Variants in TMEM161A observed in about 807,000 individuals in gnomAD.
TMEM161A encodes the protein transmembrane protein 161A.
In TMEM161A, 46 loss-of-function variants were observed where a neutral mutation model predicts 57.1. That is an observed-to-expected ratio of 0.81 (90% CI 0.64 to 1.03). The LOEUF is 1.03. TMEM161A is among the 50% of genes least tolerant of loss of function. TMEM161A has a pLI of 0.00. For synonymous variants in TMEM161A, 288 were observed against 279.0 expected (o/e 1.03, Z -0.32); for missense variants, 601 against 621.5 (o/e 0.97, Z 0.35).
chr19:19,134,794 A>G lies in TMEM161A; in HGVS notation c.97T>C (p.Cys33Arg). Reference protein sequence around the residue: ...PHCSFARWLLCNGSLFRYKHP... With the variant: ...PHCSFARWLLRNGSLFRYKHP... The stretch of plus-strand genomic sequence containing the variant: ...CGGGGCGGGGCTCACCTGCCGTTAC[A>G]GAGCAGCCAGCGCGCGAAGGAGCAG... Residue 33 changes from cysteine (C) to arginine (R), a missense_variant, in exon 2 of 12, where the codon TGT becomes CGT. Physicochemically the swap from Cys to Arg is radical, Grantham distance 180 (BLOSUM62 -3). Transcript: ENST00000162044. The G allele has an allele frequency of 1.3e-6, 2 of 1,576,910 alleles. No homozygotes were observed. The highest frequency in any genetic ancestry group is 1.7e-6 in the Non-Finnish European group (2 of 1,163,486).
chr19:19,133,343 C>T (rs756735593), intron 2 of TMEM161A, 133 bp from the exon 3 acceptor site: 52 of 734,662 alleles, frequency 7.1e-5, no homozygotes, highest in Non-Finnish European at 1.1e-4. Context: ...GGTGAGGGTA[C>T]AGCATGGGGA....
At position 19,120,846 on chromosome 19, in the gene TMEM161A, A is replaced by G; in HGVS notation, c.1105T>C (p.Cys369Arg). 6.2e-7 allele frequency: 1 copy of G among 1,613,438 alleles called. No homozygotes were observed. The highest frequency in any genetic ancestry group is 8.5e-7 in the Non-Finnish European group (1 of 1,180,024). ...EIQQRVVRVYCYVTVVSLQYL... is the reference protein window; with the variant it reads ...EIQQRVVRVYRYVTVVSLQYL... The stretch of plus-strand genomic sequence containing the variant: ...TGCAAGCTCACCACGGTCACATAGC[A>G]GTAGACTCGGACCACCTGTGGGCAG... The change falls in exon 11 of 12, where the codon TGC (cysteine) becomes CGC (arginine). Residue 369 changes from cysteine (C) to arginine (R), a missense_variant. By Grantham distance (180) the Cys-to-Arg change is radical. Coordinates refer to ENST00000162044, the MANE Select transcript of TMEM161A (RefSeq NM_017814.3).
intron 3 of TMEM161A, 104 bp downstream of exon 3, chr19:19,133,026 G>A (rs1188996869): frequency 1.9e-6 from 2 of 1,072,634 alleles, no homozygotes; most frequent in Non-Finnish European, 2.7e-6. Context: ...GTATGGGTGG[G>A]CCGGTCCTGT....
At position 19,132,750 on chromosome 19, in the gene TMEM161A, C is replaced by T. The variant is rs375546860; in HGVS notation, c.193G>A (p.Ala65Thr). The T allele has an allele frequency of 1.3e-5, 20 of 1,538,722 alleles. No homozygotes were observed. The highest frequency in any genetic ancestry group is 3.5e-4 in the Middle Eastern group (2 of 5,710). ...PRPRGRKERWANGLSEEKPLS... is the reference protein window; with the variant it reads ...PRPRGRKERWTNGLSEEKPLS... ...GGCTTCTCCTCACTAAGGCCATTGG[C>T]CCACCTGGGAGGATGGTGACAAGCA... is the stretch of plus-strand genomic sequence containing the variant. The change falls in exon 4 of 12, where the codon GCC (alanine) becomes ACC (threonine). Residue 65 changes from alanine (A) to threonine (T), a missense_variant. Ala to Thr is a moderately conservative substitution (Grantham distance 58). Transcript: ENST00000162044. The surrounding 1 kb of genome is among the most constrained non-coding windows in gnomAD (Gnocchi z 4.3).
intron 6 of TMEM161A, among the ~76,000 whole-genome samples, chr19:19,125,892 G>C (rs1238723480): frequency 1.3e-5 from 2 of 152,030 alleles, no homozygotes; most frequent in Non-Finnish European, 2.9e-5. Flanking sequence ...ACTTTGGGAG[G>C]CTGAGGCAGG....
At chr19:19,137,176 T>C (rs2059988637) in intron 1 of TMEM161A, among the ~76,000 whole-genome samples, 1 of 152,094 alleles carries the variant, frequency 6.6e-6, no homozygotes, top group Admixed American at 6.6e-5. Flanking sequence ...AGTCTCACAG[T>C]CAGCCCCCAA....
intron 2 of TMEM161A, 57 bp from the exon 3 acceptor site, chr19:19,133,267 C>T (rs767744078): frequency 1.3e-6 from 2 of 1,510,148 alleles, no homozygotes; most frequent in South Asian, 1.1e-5. Context: ...GAGGTTGAGG[C>T]AGTGAACCCC....
intron 6 of TMEM161A, among the ~76,000 whole-genome samples, chr19:19,126,983 GT>G (rs59542893): frequency 6.6e-6 from 1 of 151,768 alleles, no homozygotes; most frequent in South Asian, 2.1e-4. Context: ...GGAGGCAAAG[GT>G]TGCAGTGAGT....
At position 19,121,745 on chromosome 19, in the gene TMEM161A, T is replaced by C; in HGVS notation, c.656+14A>G. On this transcript the variant is annotated intron_variant, in intron 7 of 11. Transcript: ENST00000162044. The surrounding 1 kb of genome is among the most constrained non-coding windows in gnomAD (Gnocchi z 5.8). ...AGCCTGCCCTTGCCTCCCTCCCCCA[T>C]TCCCAGGACTCACGCCCAGTCCCAG... The C allele has an allele frequency of 6.2e-7, 1 of 1,613,856 alleles. No homozygotes were observed. The highest frequency in any genetic ancestry group is 1.1e-5 in the South Asian group (1 of 91,074).
At chr19:19,127,086 C>T (rs572519498) in intron 6 of TMEM161A, among the ~76,000 whole-genome samples, 1 of 152,080 alleles carries the variant, frequency 6.6e-6, no homozygotes, top group East Asian at 1.9e-4. Context: ...CTGTATAAAA[C>T]AGTATGGCAG....
At chr19:19,124,888 G>A (rs2059924053) in intron 6 of TMEM161A, among the ~76,000 whole-genome samples, 1 of 152,134 alleles carries the variant, frequency 6.6e-6, no homozygotes, top group Non-Finnish European at 1.5e-5. Context: ...CCAGGAGGCA[G>A]AGGTTGTAGT....
chr19:19,127,809 A>C (rs2059938425), intron 6 of TMEM161A, among the ~76,000 whole-genome samples: 1 of 151,800 alleles, frequency 6.6e-6, no homozygotes, highest in African/African-American at 2.4e-5. Context: ...GTGTGGTGGC[A>C]TGTGCCTGTG....
intron 6 of TMEM161A, among the ~76,000 whole-genome samples, chr19:19,125,683 AT>A (rs1430394612): frequency 6.6e-6 from 1 of 151,390 alleles, no homozygotes; most frequent in African/African-American, 2.4e-5. Context: ...CGCCTGGCTA[AT>A]TTTTTGTATT....
Position 19,121,704 on chromosome 19 carries a change from A to G in TMEM161A, c.657-36T>C. ...ACCAGGTCACGAGCCTGCCTGGGGG[A>G]CCCTGGGAGGGTCCCAGCCTGCCCT... On this transcript the variant is annotated intron_variant, in intron 7 of 11. Transcript: ENST00000162044. This position sits in a 1 kb window ranked among gnomAD's most constrained non-coding sequence, Gnocchi z 5.8. The G allele has an allele frequency of 1.2e-6, 2 of 1,611,856 alleles. No homozygotes were observed. Among genetic ancestry groups the G allele is most frequent in the South Asian group, 2.2e-5 (2 of 91,030 alleles).
At chr19:19,133,980 A>G (rs978011288) in intron 2 of TMEM161A, among the ~76,000 whole-genome samples, 1 of 151,796 alleles carries the variant, frequency 6.6e-6, no homozygotes, top group Admixed American at 6.6e-5. Flanking sequence ...CATGTTGCCC[A>G]GGCTGGTCAA....
At chr19:19,127,346 G>A (rs1470159918) in intron 6 of TMEM161A, among the ~76,000 whole-genome samples, 1 of 130,130 alleles carries the variant, frequency 7.7e-6, no homozygotes, top group Non-Finnish European at 1.6e-5. Flanking sequence ...TTGAGATGGA[G>A]TCTTGCTCTT....
intron 5 of TMEM161A, 149 bp from the exon 6 acceptor site, chr19:19,130,456 T>G (rs1274522107): frequency 1.1e-6 from 1 of 925,714 alleles, no homozygotes; most frequent in Non-Finnish European, 1.6e-6. Context: ...GGTTTTGGGG[T>G]GCTGGATCTC....
At chr19:19,134,256 G>C (rs2059974230) in intron 2 of TMEM161A, among the ~76,000 whole-genome samples, 1 of 152,104 alleles carries the variant, frequency 6.6e-6, no homozygotes, top group African/African-American at 2.4e-5. Context: ...TGTGGTGATG[G>C]TTCCACACAT....
intron 1 of TMEM161A, 28 bp downstream of exon 1, chr19:19,138,398 C>G (rs368567558): frequency 1.9e-6 from 3 of 1,600,084 alleles, no homozygotes; most frequent in African/African-American, 2.7e-5. Flanking sequence ...CCCTGCAGAA[C>G]CCCCCACTTC....
Sources: gnomAD v4.1 joint callset for allele counts (sites outside exome capture counted in the v4.1 genomes callset) on GRCh38, gnomAD v4.1.1 for gene constraint, Gnocchi (gnomAD v3.1) non-coding constraint, MANE v1.5 for transcripts, NCBI Gene and HGNC (gene_info 2026-07-23, HGNC 2026-07-21) for gene names.